SYN2: variants seen among roughly 807,000 people sequenced by gnomAD.
SYN2 encodes the protein synapsin II.
SYN2 carries 19 observed loss-of-function variants against 50.9 expected under a neutral mutation model. The ratio of observed to expected loss-of-function variants is 0.37; its 90% CI spans 0.26 to 0.55. The LOEUF (loss-of-function observed/expected upper bound fraction) is 0.55, where lower values mean the gene tolerates loss of function less well. Ranked by LOEUF, SYN2 falls within the 20% of genes least tolerant of loss-of-function variation. The pLI, the probability that SYN2 is intolerant of heterozygous loss-of-function variation, is 0.81. For missense variants in SYN2, 587 were observed against 576.4 expected (o/e 1.02, Z -0.19); for synonymous variants, 255 against 224.9 (o/e 1.13, Z -1.20).
intron 1 of SYN2, among the ~76,000 whole-genome samples, chr3:12,085,367 ACACACACACACACG>A (rs1262390229): frequency 3.7e-4 from 51 of 139,284 alleles, no homozygotes; most frequent in Admixed American, 1.0e-3. Flanking sequence ...ACACACACAC[ACACACACACACACG>A]CACGCACGCA....
chr3:12,179,647 A>G (rs934710027), intron 10 of SYN2, among the ~76,000 whole-genome samples: 1 of 152,344 alleles, frequency 6.6e-6, no homozygotes, highest in East Asian at 1.9e-4. Flanking sequence ...ACTGTGACTC[A>G]GGATAAGTAA....
At chr3:12,129,712 T>C (rs1696750383) in intron 1 of SYN2, among the ~76,000 whole-genome samples, 1 of 152,210 alleles carries the variant, frequency 6.6e-6, no homozygotes, top group South Asian at 2.1e-4. Flanking sequence ...TTATGGTTCC[T>C]TGTTCCCTTA....
chr3:12,168,521 A>G, intron 9 of SYN2, 43 bp downstream of exon 9: 1 of 1,540,944 alleles, frequency 6.5e-7, no homozygotes, highest in South Asian at 1.1e-5. Context: ...CTAAGGCTTA[A>G]GAACTATGTG....
At position 12,150,629 on chromosome 3, in the gene SYN2, A is replaced by G. The variant is rs187489329; in HGVS notation, c.685-608A>G. 7.9e-5 allele frequency among the ~76,000 whole-genome samples: 12 copies of G among 152,348 alleles called. No individual in the cohort carries two copies. The East Asian group carries it at 2.1e-3, about 27-fold the overall frequency. On this transcript the variant is annotated intron_variant, in intron 4 of 12. Coordinates refer to ENST00000621198, the MANE Select transcript of SYN2 (RefSeq NM_133625.6). ...TGTAGGCAAAGGGTCCAGTAAGTTC[A>G]GTCCCTCGTTAGGTAGTAAGTCCCA...
At chr3:12,039,647 G>A (rs893463569) in intron 1 of SYN2, among the ~76,000 whole-genome samples, 6 of 146,822 alleles carry the variant, frequency 4.1e-5, no homozygotes, top group African/African-American at 1.5e-4. Flanking sequence ...TAAAGCAATG[G>A]ATTTTTTTTG....
intron 1 of SYN2, among the ~76,000 whole-genome samples, chr3:12,099,700 C>T (rs1696022665): frequency 6.6e-6 from 1 of 152,112 alleles, no homozygotes; most frequent in Admixed American, 6.5e-5. Flanking sequence ...CGCAATGGCT[C>T]ACGCCTGTAA....
At chr3:12,148,611 T>A (rs1267513332) in intron 4 of SYN2, 1 of 152,224 alleles carries the variant, frequency 6.6e-6, no homozygotes, top group Non-Finnish European at 1.5e-5. Context: ...GGAGCAGAAG[T>A]GGACCTGTCA....
At chr3:12,031,387 C>G (rs1373373878) in intron 1 of SYN2, among the ~76,000 whole-genome samples, 1 of 102,650 alleles carries the variant, frequency 9.7e-6, no homozygotes, top group East Asian at 2.9e-4. Flanking sequence ...CTGTAGATGT[C>G]TATTAGGTCC....
intron 10 of SYN2, among the ~76,000 whole-genome samples, chr3:12,180,621 G>C (rs935643069): frequency 6.6e-6 from 1 of 152,094 alleles, no homozygotes; most frequent in Non-Finnish European, 1.5e-5. Context: ...TCTCCTCCCC[G>C]CCTCCCGTAG....
intron 10 of SYN2, among the ~76,000 whole-genome samples, chr3:12,179,971 C>T (rs946577614): frequency 1.3e-5 from 2 of 152,010 alleles, no homozygotes; most frequent in African/African-American, 2.4e-5. Flanking sequence ...TTTTTTGAGA[C>T]GGGGTCTCAC....
intron 1 of SYN2, among the ~76,000 whole-genome samples, chr3:12,042,730 A>G (rs891444295): frequency 6.6e-6 from 1 of 152,234 alleles, no homozygotes; most frequent in Non-Finnish European, 1.5e-5. Flanking sequence ...GATATAAGGT[A>G]GATCCTAAAT....
At chr3:12,057,323 G>GTGTGTGTGTA (rs1553611276) in intron 1 of SYN2, among the ~76,000 whole-genome samples, 2 of 142,088 alleles carry the variant, frequency 1.4e-5, no homozygotes, top group Non-Finnish European at 3.2e-5. Context: ...GTGTGTGTGT[G>GTGTGTGTGTA]TATACTTTTT....
chr3:12,146,123 G>A (rs540886300), intron 4 of SYN2, among the ~76,000 whole-genome samples: 2 of 152,300 alleles, frequency 1.3e-5, no homozygotes, highest in Admixed American at 6.5e-5. Context: ...CAACAAAGTC[G>A]CACAAAGATA....
intron 10 of SYN2, among the ~76,000 whole-genome samples, chr3:12,181,690 A>C (rs578062140): frequency 1.3e-5 from 2 of 152,354 alleles, no homozygotes; most frequent in East Asian, 1.9e-4. Flanking sequence ...GGAGGTTAAT[A>C]GGTAGCCCCA....
In SYN2 at chr3:12,145,663, T is replaced by C; in HGVS notation, c.528-16T>C. The C allele has an allele frequency of 1.2e-6, 2 of 1,612,806 alleles. No individual in the cohort carries two copies. Among genetic ancestry groups the C allele is most frequent in the Non-Finnish European group, 1.7e-6 (2 of 1,178,978 alleles). ...AGTGCTGGTTAATGGCAAACCTGCC[T>C]CTACCTTCTCACCAGGTCCTTCCGG... On this transcript the variant is annotated splice_polypyrimidine_tract_variant and intron_variant, in intron 3 of 12. Transcript: ENST00000621198.
chr3:12,127,933 T>G (rs1696706453), intron 1 of SYN2, among the ~76,000 whole-genome samples: 1 of 152,100 alleles, frequency 6.6e-6, no homozygotes, highest in African/African-American at 2.4e-5. Context: ...CTTGTGCTTC[T>G]ATAATACTAA....
In SYN2 at chr3:12,145,724, C is replaced by T. The variant is rs1277527945; in HGVS notation, c.573C>T (p.Gly191=). ...DFVLIRQHAF[G]MAENEDFRHL... is the part of the protein sequence containing the mutation. ...TGCTCATCCGGCAGCATGCATTTGG[C>T]ATGGCGGAGAATGAGGACTTCCGCC... Residue 191 remains glycine, a synonymous_variant, in exon 4 of 13, where the codon GGC becomes GGT. Coordinates refer to ENST00000621198, the MANE Select transcript of SYN2 (RefSeq NM_133625.6). The T allele has an allele frequency of 6.2e-7, 1 of 1,614,024 alleles. No homozygotes were observed. Among genetic ancestry groups the T allele is most frequent in the African/African-American group, 1.3e-5 (1 of 75,070 alleles).
rs201429817 is a variant in SYN2 at position 12,009,307 on chromosome 3, A to G, written c.377+4379A>G. ...AGCTAATGGCAGAACCAGAACTAGA[A>G]TCTAGAACTTTAATCTCTCTACCAT... On this transcript the variant is annotated intron_variant, in intron 1 of 12. Coordinates refer to ENST00000621198, the MANE Select transcript of SYN2 (RefSeq NM_133625.6). Among the ~76,000 whole-genome samples the G allele has an allele frequency of 7.3e-5, 11 of 150,278 alleles. No individual in the cohort carries two copies. In the East Asian group the frequency reaches 2.0e-3, roughly 27 times the overall value.
intron 1 of SYN2, among the ~76,000 whole-genome samples, chr3:12,069,733 T>C (rs573659652): frequency 6.6e-6 from 1 of 152,282 alleles, no homozygotes; most frequent in Admixed American, 6.5e-5. Context: ...CAACATTTAT[T>C]ATTGTCCATC....
Sources: allele counts gnomAD v4.1 joint callset (sites outside exome capture counted in the v4.1 genomes callset), GRCh38; gene constraint gnomAD v4.1.1; transcripts MANE v1.5; gene names NCBI Gene and HGNC (gene_info 2026-07-23, HGNC 2026-07-21).